The following RXRA variants were observed in gnomAD, a reference collection of about 807,000 sequenced individuals.
The protein encoded by RXRA is retinoid X receptor alpha.
In RXRA, 5 loss-of-function variants were observed where a neutral mutation model predicts 44.5. The observed-to-expected ratio is 0.11, with a 90% CI of 0.06 to 0.24. RXRA has a LOEUF of 0.24. Among genes scored for constraint, RXRA ranks in the 10% least tolerant of loss-of-function variants. The probability of loss-of-function intolerance (pLI) is 1.00; values close to 1 mark genes in which losing one functional copy is unlikely to be tolerated. For missense variants in RXRA, 412 were observed against 646.5 expected, an observed-to-expected ratio of 0.64 and a Z score of 3.93; for synonymous variants, 291 against 271.4, an observed-to-expected ratio of 1.07 and a Z score of -0.71.
intron 6 of RXRA, among the ~76,000 whole-genome samples, chr9:134,427,591 G>A (rs1831456006): frequency 6.6e-6 from 1 of 152,204 alleles, no homozygotes; most frequent in African/African-American, 2.4e-5. Context: ...GGCGGCCTCG[G>A]GGGTGGGAAC....
intron 1 of RXRA, among the ~76,000 whole-genome samples, chr9:134,369,893 G>C (rs559640628): frequency 5.3e-5 from 8 of 152,294 alleles, no homozygotes; most frequent in Admixed American, 2.0e-4. Flanking sequence ...CGTGTGTGCG[G>C]GTGCATGAGC....
At position 134,426,479 on chromosome 9, in the gene RXRA, G is replaced by C. The variant is rs986075206; in HGVS notation, c.911-2629G>C. 2.0e-6 allele frequency: 2 copies of C among 985,352 alleles called. No homozygotes were observed. The highest frequency in any genetic ancestry group is 3.5e-5 in the African/African-American group (2 of 57,248). The allele number at this position is 985,352 out of a possible 1,614,324, so 61.0% of individuals were successfully genotyped here. A position where few individuals can be genotyped will look rare whatever the true frequency, so the allele number is the denominator to read the frequency against. On this transcript the variant is annotated intron_variant, in intron 6 of 9. Coordinates refer to ENST00000481739, the MANE Select transcript of RXRA (RefSeq NM_002957.6). The surrounding 1 kb of genome is among the most constrained non-coding windows in gnomAD (Gnocchi z 4.6). ...GGGTGGAGGGACAGGGGACAGGGGA[G>C]CTGAGATGCAGCCGGCGTGCCGGAG...
intron 1 of RXRA, among the ~76,000 whole-genome samples, chr9:134,383,537 G>T (rs1423358389): frequency 3.3e-5 from 5 of 152,266 alleles, no homozygotes; most frequent in Non-Finnish European, 7.4e-5. Context: ...AGTGAGGCTT[G>T]TTGGGCATAA....
chr9:134,428,976 G>C, intron 6 of RXRA, 132 bp from the exon 7 acceptor site: 2 of 1,082,366 alleles, frequency 1.8e-6, no homozygotes, highest in Non-Finnish European at 2.7e-6. Flanking sequence ...ACACTTCATG[G>C]GATTGGGGTT....
rs1343863109 is a variant in RXRA, at chr9:134,429,155, G to A, written c.958G>A (p.Val320Met). 2 of 1,613,098 alleles carry A rather than the reference G, an allele frequency of 1.2e-6. No homozygotes were observed. The highest frequency in any genetic ancestry group is 8.5e-7 in the Non-Finnish European group (1 of 1,179,984). ...IASFSHRSIA[V>M]KDGILLATGL... ...CTCCTTCTCCCACCGCTCCATCGCC[G>A]TGAAGGACGGGATCCTCCTGGCCAC... The change falls in exon 7 of 10, where the codon GTG becomes ATG. Residue 320 changes from valine to methionine, a missense_variant. By Grantham distance (21) the Val-to-Met change is conservative. Coordinates refer to ENST00000481739, the MANE Select transcript of RXRA (RefSeq NM_002957.6).
rs1831253879 is a variant in RXRA, at chr9:134,417,414, G to A, written c.780+87G>A. 2 of 1,484,052 alleles carry A rather than the reference G, an allele frequency of 1.3e-6. No homozygotes were observed. The highest frequency in any genetic ancestry group is 1.8e-6 in the Non-Finnish European group (2 of 1,092,412). 91.9% of individuals were successfully genotyped at this position (1,484,052 alleles called of 1,614,324 possible). A position where few individuals can be genotyped will look rare whatever the true frequency, so the allele number is the denominator to read the frequency against. Reference sequence around the variant, plus strand: ...ACCCTCCCACCTGAGCAGCTGATGAGCCAGAGAGGTCCTGGGGGCTGCCCT... The same window carrying A: ...ACCCTCCCACCTGAGCAGCTGATGAACCAGAGAGGTCCTGGGGGCTGCCCT... On this transcript the variant is annotated intron_variant, in intron 5 of 9. Coordinates refer to ENST00000481739, the MANE Select transcript of RXRA (RefSeq NM_002957.6). The surrounding 1 kb of genome is among the most constrained non-coding windows in gnomAD (Gnocchi z 6.1).
chr9:134,428,981 G>T, intron 6 of RXRA, 127 bp from the exon 7 acceptor site: 1 of 1,132,094 alleles, frequency 8.8e-7, no homozygotes. Context: ...TCATGGGATT[G>T]GGGTTCCAGA....
At chr9:134,369,905 C>A (rs893294328) in intron 1 of RXRA, among the ~76,000 whole-genome samples, 5 of 152,170 alleles carry the variant, frequency 3.3e-5, no homozygotes, top group Non-Finnish European at 7.4e-5. Flanking sequence ...TGCATGAGCC[C>A]AGCATGTGTA....
intron 1 of RXRA, among the ~76,000 whole-genome samples, chr9:134,376,557 G>C (rs1830560039): frequency 8.0e-5 from 1 of 12,564 alleles, no homozygotes; most frequent in South Asian, 3.1e-3. Flanking sequence ...GCGTGGCCTC[G>C]GCCAGGGCGA....
intron 1 of RXRA, among the ~76,000 whole-genome samples, chr9:134,382,792 A>T (rs1256834035): frequency 6.6e-6 from 1 of 151,944 alleles, no homozygotes; most frequent in Non-Finnish European, 1.5e-5. Context: ...TGTGCCTGAG[A>T]GCTGGTCCGG....
At chr9:134,352,181 G>A (rs1219735609) in intron 1 of RXRA, among the ~76,000 whole-genome samples, 1 of 152,146 alleles carries the variant, frequency 6.6e-6, no homozygotes, top group Non-Finnish European at 1.5e-5. Context: ...AGGAGCCCCT[G>A]TGGGTTTGAT....
rs1481123665 is a variant in RXRA, at chr9:134,407,040, GC to G, written c.280-1106del. On this transcript the variant is annotated intron_variant, in intron 2 of 9. Transcript: ENST00000481739. The surrounding 1 kb of genome is among the most constrained non-coding windows in gnomAD (Gnocchi z 4.8). ...ACGGGGGACCTCCTGGCCTCTCGCA[GC>G]CCACCTGAGTCCTGCAGGGACCAAG... Among the ~76,000 whole-genome samples the G allele has an allele frequency of 6.6e-6, 1 of 152,168 alleles. No homozygotes were observed. Among genetic ancestry groups the G allele is most frequent in the African/African-American group, 2.4e-5 (1 of 41,440 alleles).
At chr9:134,372,829 G>A (rs1032468809) in intron 1 of RXRA, among the ~76,000 whole-genome samples, 5 of 152,360 alleles carry the variant, frequency 3.3e-5, no homozygotes, top group African/African-American at 1.2e-4. Context: ...GTGACCCCAG[G>A]CGGTAGCTCA....
chr9:134,358,306 AGCAGGCAGGCAG>A (rs528438211), intron 1 of RXRA, among the ~76,000 whole-genome samples: 2 of 152,148 alleles, frequency 1.3e-5, no homozygotes, highest in Admixed American at 6.5e-5. Context: ...TTCCTCCGGC[AGCAGGCAGGCAG>A]GCAGGCAGGC....
intron 1 of RXRA, among the ~76,000 whole-genome samples, chr9:134,364,420 C>T (rs891108370): frequency 2.5e-4 from 38 of 152,324 alleles, no homozygotes; most frequent in African/African-American, 7.5e-4. Context: ...GGCCTAGGGT[C>T]GGTGTCTTTG....
intron 1 of RXRA, among the ~76,000 whole-genome samples, chr9:134,383,778 C>G (rs931387761): frequency 5.3e-5 from 8 of 152,172 alleles, no homozygotes; most frequent in Non-Finnish European, 1.0e-4. Context: ...CTGTGATCCT[C>G]ACTCCAGGCA....
chr9:134,354,838 C>G (rs782223533), intron 1 of RXRA, among the ~76,000 whole-genome samples: 1 of 152,264 alleles, frequency 6.6e-6, no homozygotes, highest in African/African-American at 2.4e-5. Flanking sequence ...ATTTGCCTCT[C>G]CCCGTCCCAT....
chr9:134,427,311 G>A (rs1297353259), intron 6 of RXRA: 11 of 314,254 alleles, frequency 3.5e-5, no homozygotes, highest in East Asian at 1.7e-4. Context: ...CCCCCGCCCC[G>A]GGGGACCCCA....
intron 6 of RXRA, chr9:134,425,552 G>GT (rs1263140858): frequency 1.3e-6 from 1 of 789,866 alleles, no homozygotes; most frequent in East Asian, 1.3e-4. Flanking sequence ...AGGGTGGGGG[G>GT]TGGGGGGGGG....
Sources: gnomAD v4.1 joint callset for allele counts (sites outside exome capture counted in the v4.1 genomes callset) on GRCh38, gnomAD v4.1.1 for gene constraint, Gnocchi (gnomAD v3.1) non-coding constraint, MANE v1.5 for transcripts, NCBI Gene and HGNC (gene_info 2026-07-23, HGNC 2026-07-21) for gene names.